The following GPHN variants were observed in gnomAD, a reference collection of about 807,000 sequenced individuals.
The protein encoded by GPHN is gephyrin.
Under a neutral mutation model 95.5 loss-of-function variants are expected in GPHN, and 17 were observed. That is an observed-to-expected ratio of 0.18 (90% CI 0.12 to 0.27). GPHN has a LOEUF of 0.27. Among genes scored for constraint, GPHN ranks in the 10% least tolerant of loss-of-function variants. The pLI, the probability that GPHN is intolerant of heterozygous loss-of-function variation, is 1.00. For missense variants in GPHN, 660 were observed against 978.1 expected (o/e 0.67, Z 4.34); for synonymous variants, 320 against 322.5 (o/e 0.99, Z 0.08).
At chr14:67,375,182 C>G in the GPHN span, among the ~76,000 whole-genome samples, 1 of 151,894 alleles carries the variant, frequency 6.6e-6, no homozygotes, top group Admixed American at 6.6e-5. Flanking sequence ...CAGTATTTCT[C>G]TTTTCTCAGG....
the GPHN span, among the ~76,000 whole-genome samples, chr14:67,328,778 A>G: frequency 6.6e-6 from 1 of 152,206 alleles, no homozygotes; most frequent in African/African-American, 2.4e-5. Flanking sequence ...GTCAAAGATC[A>G]GATGGTTGTA....
the GPHN span, among the ~76,000 whole-genome samples, chr14:67,230,905 C>A: frequency 6.6e-6 from 1 of 152,122 alleles, no homozygotes; most frequent in Non-Finnish European, 1.5e-5. Context: ...AAATTGCATG[C>A]GATTCTAAGT....
At chr14:67,051,608 C>G (rs535686816) in intron 10 of GPHN, among the ~76,000 whole-genome samples, 1 of 152,198 alleles carries the variant, frequency 6.6e-6, no homozygotes, top group African/African-American at 2.4e-5. Flanking sequence ...TCCAGAGAAC[C>G]ACAGTAAGAT....
chr14:66,921,992 A>G (rs1372371165), intron 6 of GPHN, among the ~76,000 whole-genome samples: 1 of 152,214 alleles, frequency 6.6e-6, no homozygotes, highest in Non-Finnish European at 1.5e-5. Context: ...GGGCGCTGGG[A>G]TAATTGGCTA....
the GPHN span, among the ~76,000 whole-genome samples, chr14:67,525,114 T>C: frequency 6.6e-6 from 1 of 152,196 alleles, no homozygotes. Context: ...GTAAAATGCT[T>C]ACATAATATA....
chr14:67,460,447 G>A, the GPHN span, among the ~76,000 whole-genome samples: 6 of 152,314 alleles, frequency 3.9e-5, no homozygotes, highest in African/African-American at 9.6e-5. Flanking sequence ...GCTCACACCT[G>A]TAATCCCAGC....
the GPHN span, chr14:67,241,713 G>C: frequency 6.6e-6 from 1 of 152,490 alleles, no homozygotes; most frequent in Non-Finnish European, 1.5e-5. Flanking sequence ...CTGCGGCCGT[G>C]GAGGGTGTGA....
chr14:66,732,750 C>T (rs942947187), intron 2 of GPHN, among the ~76,000 whole-genome samples: 1 of 152,140 alleles, frequency 6.6e-6, no homozygotes, highest in Non-Finnish European at 1.5e-5. Context: ...CTCCTGACCT[C>T]GTGATCCACC....
chr14:66,812,336 A>G (rs1189433571), intron 3 of GPHN, among the ~76,000 whole-genome samples: 2 of 152,212 alleles, frequency 1.3e-5, no homozygotes, highest in African/African-American at 4.8e-5. Context: ...CAATATTATA[A>G]CAAAATCCAG....
chr14:66,561,054 G>A (rs892273536), intron 1 of GPHN, among the ~76,000 whole-genome samples: 2 of 152,074 alleles, frequency 1.3e-5, no homozygotes, highest in African/African-American at 4.8e-5. Context: ...TTATTGATTT[G>A]CATATGTTGA....
chr14:67,050,654 C>G (rs1400767127), intron 10 of GPHN, among the ~76,000 whole-genome samples: 1 of 151,908 alleles, frequency 6.6e-6, no homozygotes, highest in Non-Finnish European at 1.5e-5. Flanking sequence ...CTGCAATTTC[C>G]AAACAACAAG....
In GPHN at chr14:66,932,454, T is replaced by TTTTTG. The variant is rs1555444706; in HGVS notation, c.828+8166_828+8167insGTTTT. Among the ~76,000 whole-genome samples, 419 of 109,838 alleles carry TTTTTG rather than the reference T, an allele frequency of 3.8e-3. 20 individuals carry two copies. The highest frequency in any genetic ancestry group is 7.5e-3 in the Non-Finnish European group (369 of 49,282). The allele number at this position is 109,838 out of a possible 152,430, so 72.1% of individuals were successfully genotyped here. A position where few individuals can be genotyped will look rare whatever the true frequency, so the allele number is the denominator to read the frequency against. ...TCCTGCCAAGACCAGGTTTTTTTTT[T>TTTTTG]TTTTTTTTTTTTTTTTTTTTTTTTT... On this transcript the variant is annotated intron_variant, in intron 8 of 22. Transcript: ENST00000478722.
chr14:67,585,913 G>A, the GPHN span: 18 of 1,588,056 alleles, frequency 1.1e-5, no homozygotes, highest in Middle Eastern at 2.0e-4. Flanking sequence ...GGGGACAGGT[G>A]GAAAGTTTCC....
chr14:67,392,004 A>G, the GPHN span, among the ~76,000 whole-genome samples: 1 of 152,256 alleles, frequency 6.6e-6, no homozygotes, highest in Non-Finnish European at 1.5e-5. Flanking sequence ...ACCTCAAGCC[A>G]GTCAGCAAAA....
rs139483025 is a variant in GPHN at position 67,145,001 on chromosome 14, G to T, written c.1836+1552G>T. On this transcript the variant is annotated intron_variant, in intron 18 of 22. Coordinates refer to ENST00000478722, the MANE Select transcript of GPHN (RefSeq NM_020806.5). ...TTAGCCCCAGGTAGAGCAAATTGCC[G>T]CAGAGCTCTCCTGAGATCACAAAGG... Among the ~76,000 whole-genome samples the T allele has an allele frequency of 2.1e-3, 324 of 152,286 alleles. 1 individual carries two copies. The highest frequency in any genetic ancestry group is 3.1e-3 in the South Asian group (15 of 4,818).
At chr14:67,496,290 G>T in the GPHN span, among the ~76,000 whole-genome samples, 1 of 146,942 alleles carries the variant, frequency 6.8e-6, no homozygotes, top group East Asian at 2.1e-4. Flanking sequence ...ACAGGGTTTT[G>T]TCATGTTGCC....
the GPHN span, among the ~76,000 whole-genome samples, chr14:67,253,392 T>C: frequency 6.6e-6 from 1 of 152,136 alleles, no homozygotes; most frequent in African/African-American, 2.4e-5. Flanking sequence ...ATAGTGAAAG[T>C]CAAATGAGAG....
chr14:66,773,588 G>A (rs940195555), intron 2 of GPHN, among the ~76,000 whole-genome samples: 2 of 152,008 alleles, frequency 1.3e-5, no homozygotes, highest in Non-Finnish European at 2.9e-5. Context: ...TCCTGACCTC[G>A]TGATCCTCCC....
At chr14:67,550,441 G>A in the GPHN span, among the ~76,000 whole-genome samples, 1 of 152,116 alleles carries the variant, frequency 6.6e-6, no homozygotes, top group Non-Finnish European at 1.5e-5. Flanking sequence ...CATCCGCCTC[G>A]GCCTCCCAAA....
Sources: allele counts gnomAD v4.1 joint callset (sites outside exome capture counted in the v4.1 genomes callset), GRCh38; gene constraint gnomAD v4.1.1; transcripts MANE v1.5; gene names NCBI Gene and HGNC (gene_info 2026-07-23, HGNC 2026-07-21).